DYSF: variants seen among roughly 807,000 people sequenced by gnomAD.
The protein encoded by DYSF is dystrophy-associated fer-1-like 1.
A neutral mutation model predicts 274.9 loss-of-function variants in DYSF; 212 were observed. The observed-to-expected ratio is 0.77, with a 90% CI of 0.69 to 0.86. The LOEUF is 0.86. Among genes scored for constraint, DYSF ranks in the 40% least tolerant of loss-of-function variants. DYSF has a pLI of 0.00. For missense variants in DYSF, 2,666 were observed against 2,783.2 expected, an observed-to-expected ratio of 0.96 and a Z score of 0.95; for synonymous variants, 1,091 against 1,078.7, an observed-to-expected ratio of 1.01 and a Z score of -0.22.
At chr2:71,457,257 G>A (rs80167235) in intron 1 of DYSF, among the ~76,000 whole-genome samples, 3,463 of 152,250 alleles carry the variant, frequency 0.023, 54 homozygotes, top group African/African-American at 0.049. Flanking sequence ...ATACACCTCA[G>A]TCCTCTTAGC....
At chr2:71,571,021 T>TCAGCACACACACAGATTACACC (rs532288855) in intron 29 of DYSF, 47 of 413,314 alleles carry the variant, frequency 1.1e-4, no homozygotes, top group Non-Finnish European at 1.9e-4. Flanking sequence ...CAGATCACAC[T>TCAGCACACACACAGATTACACC]CAGCACACAC....
chr2:71,529,200 G>T (rs984588447), intron 14 of DYSF, among the ~76,000 whole-genome samples: 3 of 152,194 alleles, frequency 2.0e-5, no homozygotes, highest in East Asian at 1.9e-4. Flanking sequence ...GACCTGCCTT[G>T]ATTCTTCCTT....
In DYSF at chr2:71,460,008, G is replaced by A. The variant is rs150247903; in HGVS notation, c.88+5922G>A. On this transcript the variant is annotated intron_variant, in intron 1 of 54. Transcript: ENST00000258104. ...TTACAGTGGGGCTGGAGTAGCCTGG[G>A]GTCCCGAGGAGCTGCCCTCACCTGA... 1.9e-3 allele frequency among the ~76,000 whole-genome samples: 295 copies of A among 152,046 alleles called. 1 individual carries two copies. The highest frequency in any genetic ancestry group is 6.8e-3 in the African/African-American group (282 of 41,368).
At chr2:71,576,223 C>A in intron 30 of DYSF, 1 of 152,926 alleles carries the variant, frequency 6.5e-6, no homozygotes, top group Non-Finnish European at 1.5e-5. Context: ...CTTCTGAAAA[C>A]AAAAACAAAA....
At chr2:71,466,607 C>A (rs1366557924), upstream of DYSF, 2 of 1,223,126 alleles carry the variant, frequency 1.6e-6, no homozygotes, top group African/African-American at 1.6e-5. Context: ...CCGCCCGCCG[C>A]GGGCAGGGCG....
intron 31 of DYSF, 143 bp from the exon 32 acceptor site, chr2:71,590,068 C>T (rs909817804): frequency 8.7e-6 from 7 of 808,316 alleles, no homozygotes; most frequent in African/African-American, 8.4e-5. Context: ...CTCCTGACCT[C>T]GCACAGTGGC....
chr2:71,674,062 G>T (rs1355623927), intron 51 of DYSF, 135 bp from the exon 52 acceptor site: 4 of 764,322 alleles, frequency 5.2e-6, no homozygotes, highest in Non-Finnish European at 9.2e-6. Flanking sequence ...CTTCCCACAG[G>T]ACCTGGCTCT....
intron 30 of DYSF, 143 bp downstream of exon 30, chr2:71,574,514 C>G (rs2092635184): frequency 1.9e-6 from 2 of 1,038,720 alleles, no homozygotes; most frequent in Non-Finnish European, 2.7e-6. Context: ...GCGTCAGTAC[C>G]TGTGGGGTGG....
chr2:71,509,739 T>A (rs186052499), intron 4 of DYSF, among the ~76,000 whole-genome samples: 12 of 152,288 alleles, frequency 7.9e-5, no homozygotes, highest in Admixed American at 7.8e-4. Flanking sequence ...GGCTTCTGTG[T>A]CCTTTTGACA....
At chr2:71,472,200 G>A (rs2082083643) in intron 1 of DYSF, among the ~76,000 whole-genome samples, 1 of 152,118 alleles carries the variant, frequency 6.6e-6, no homozygotes, top group Non-Finnish European at 1.5e-5. Flanking sequence ...TACATCTTTG[G>A]CCACATATTT....
At chr2:71,498,647 G>T (rs1487002979) in intron 3 of DYSF, among the ~76,000 whole-genome samples, 2 of 152,156 alleles carry the variant, frequency 1.3e-5, no homozygotes, top group Non-Finnish European at 2.9e-5. Flanking sequence ...AGTTACTCTG[G>T]TCTCCAGGCA....
In DYSF at chr2:71,611,468, C is replaced by T. The variant is rs2152875185; in HGVS notation, c.4063C>T (p.Leu1355=). 11 of 1,614,154 alleles carry T rather than the reference C, an allele frequency of 6.8e-6. No homozygotes were observed. The highest frequency in any genetic ancestry group is 9.3e-6 in the Non-Finnish European group (11 of 1,180,026). ...PALQRTAIEI[L]AWGLRNMKSY... is the part of the protein sequence containing the mutation. The stretch of plus-strand genomic sequence containing the variant: ...TCTCCTCATTCTGTGTGCTTAGATC[C>T]TGGCATGGGGCCTGCGGAACATGAA... The change falls in exon 38 of 56, where the codon CTG becomes TTG. Residue 1355 remains leucine, a synonymous_variant. Coordinates refer to ENST00000410020, the MANE Select transcript of DYSF (RefSeq NM_001130987.2).
chr2:71,578,404 G>C (rs960193897), intron 30 of DYSF, among the ~76,000 whole-genome samples: 9 of 152,140 alleles, frequency 5.9e-5, no homozygotes, highest in Non-Finnish European at 1.3e-4. Flanking sequence ...CTGCTGCTTG[G>C]TGGGGGAAAT....
chr2:71,624,380 T>A (rs182620412), intron 41 of DYSF, among the ~76,000 whole-genome samples: 3 of 152,322 alleles, frequency 2.0e-5, no homozygotes, highest in Admixed American at 2.0e-4. Context: ...TACTTAGGAT[T>A]TTTACGTCTC....
At chr2:71,622,126 C>CTTT (rs1558651607) in intron 41 of DYSF, among the ~76,000 whole-genome samples, 3 of 38,744 alleles carry the variant, frequency 7.7e-5, no homozygotes, top group African/African-American at 1.8e-4. Flanking sequence ...CAGATGATTT[C>CTTT]TTTGTTTTTT....
intron 1 of DYSF, among the ~76,000 whole-genome samples, chr2:71,469,649 G>C (rs2081826981): frequency 6.6e-6 from 1 of 152,168 alleles, no homozygotes; most frequent in African/African-American, 2.4e-5. Flanking sequence ...TAGACTATGA[G>C]CTCTGGGAGG....
chr2:71,665,355 CCT>C, intron 47 of DYSF, 51 bp downstream of exon 47: 1 of 1,611,962 alleles, frequency 6.2e-7, no homozygotes, highest in Non-Finnish European at 8.5e-7. Context: ...TGTATCCCTC[CCT>C]CTCTCATCAG....
chr2:71,500,921 G>C (rs987801116), intron 3 of DYSF, among the ~76,000 whole-genome samples: 1 of 152,032 alleles, frequency 6.6e-6, no homozygotes, highest in Non-Finnish European at 1.5e-5. Context: ...CAGTTTTCTC[G>C]TGATGGGCAG....
intron 27 of DYSF, 45 bp from the exon 28 acceptor site, chr2:71,570,182 ATC>A (rs757785057): frequency 5.8e-6 from 9 of 1,549,664 alleles, no homozygotes; most frequent in Non-Finnish European, 8.0e-6. Context: ...CCCTGCTCAC[ATC>A]TGTCTGTCTC....
Sources: allele counts gnomAD v4.1 joint callset (sites outside exome capture counted in the v4.1 genomes callset), GRCh38; gene constraint gnomAD v4.1.1; transcripts MANE v1.5; gene names NCBI Gene and HGNC (gene_info 2026-07-23, HGNC 2026-07-21).